Variants in FBRSL1 observed in about 807,000 individuals in gnomAD.
The protein encoded by FBRSL1 is fibrosin like 1, also known as fibrosin-1-like protein.
FBRSL1 carries 51 observed loss-of-function variants against 89.6 expected under a neutral mutation model. That is an observed-to-expected ratio of 0.57 (90% CI 0.45 to 0.72). The LOEUF (loss-of-function observed/expected upper bound fraction) is 0.72. FBRSL1 is among the 30% of genes least tolerant of loss of function. FBRSL1 has a pLI of 0.00. For synonymous variants in FBRSL1, 779 were observed against 681.1 expected, an observed-to-expected ratio of 1.14 and a Z score of -2.24; for missense variants, 1,618 against 1,451.8, an observed-to-expected ratio of 1.11 and a Z score of -1.86.
At chr12:132,542,021 C>T (rs2137216643) in intron 4 of FBRSL1, among the ~76,000 whole-genome samples, 1 of 152,380 alleles carries the variant, frequency 6.6e-6, no homozygotes, top group East Asian at 1.9e-4. Flanking sequence ...GCAGGTGGTC[C>T]TTTTCCCCAC....
intron 2 of FBRSL1, among the ~76,000 whole-genome samples, chr12:132,512,176 G>T (rs116842580): frequency 6.6e-6 from 1 of 152,184 alleles, no homozygotes; most frequent in Non-Finnish European, 1.5e-5. Context: ...TCCCCCCACC[G>T]CAAGGCTACT....
chr12:132,580,964 C>T, intron 15 of FBRSL1: 1 of 985,476 alleles, frequency 1.0e-6, no homozygotes. Context: ...GGCCTGTGCC[C>T]AGGAATGCCA....
chr12:132,524,595 T>G (rs2035631176), intron 2 of FBRSL1, among the ~76,000 whole-genome samples: 1 of 152,176 alleles, frequency 6.6e-6, no homozygotes, highest in Non-Finnish European at 1.5e-5. Flanking sequence ...GCTCCTGACT[T>G]GGATGACTCA....
intron 15 of FBRSL1, among the ~76,000 whole-genome samples, chr12:132,579,780 T>C (rs1003699720): frequency 6.6e-6 from 1 of 152,192 alleles, no homozygotes; most frequent in Admixed American, 6.5e-5. Flanking sequence ...TTTTTTCTGC[T>C]CTCTGGAAGA....
chr12:132,557,213 C>T lies in FBRSL1; in HGVS notation c.645+9181C>T, dbSNP rs146851611. On this transcript the variant is annotated intron_variant, in intron 5 of 18. Coordinates refer to ENST00000680143, the MANE Select transcript of FBRSL1 (RefSeq NM_001367871.1). ...GCAGTTACAGTGTTGGTTTCTGAAC[C>T]GTAAGCTCTGGATAAATGTGCCTCT... 3.7e-4 allele frequency among the ~76,000 whole-genome samples: 56 copies of T among 152,308 alleles called. 1 individual carries two copies. The highest frequency in any genetic ancestry group is 3.4e-3 in the Middle Eastern group (1 of 294).
At chr12:132,510,072 C>T (rs1273932180) in intron 2 of FBRSL1, 3 of 1,231,026 alleles carry the variant, frequency 2.4e-6, no homozygotes, top group African/African-American at 1.6e-5. Flanking sequence ...GGGCCCGGGA[C>T]GGCCGAGGCA....
At chr12:132,508,505 A>G (rs1460271758) in intron 2 of FBRSL1, among the ~76,000 whole-genome samples, 155 bp downstream of exon 2, 1 of 152,204 alleles carries the variant, frequency 6.6e-6, no homozygotes, top group East Asian at 1.9e-4. Flanking sequence ...ACACGTGGAC[A>G]GGGCTGGGGC....
intron 8 of FBRSL1, 132 bp downstream of exon 8, chr12:132,570,672 G>A (rs534145502): frequency 1.4e-5 from 11 of 802,396 alleles, no homozygotes; most frequent in African/African-American, 3.7e-5. Context: ...CTCTCTGAGT[G>A]GTTCCCCCAG....
chr12:132,578,138 T>C (rs1200063882), intron 15 of FBRSL1, among the ~76,000 whole-genome samples: 1 of 152,262 alleles, frequency 6.6e-6, no homozygotes, highest in African/African-American at 2.4e-5. Context: ...ACATGTATGA[T>C]GGACTGTATT....
chr12:132,510,771 G>A (rs1322466426), intron 2 of FBRSL1: 28 of 1,165,790 alleles, frequency 2.4e-5, no homozygotes, highest in Non-Finnish European at 2.8e-5. Flanking sequence ...GCTGCCTGTG[G>A]TGTGCGTGCC....
At position 132,583,873 on chromosome 12, in the gene FBRSL1, G is replaced by T. The variant is rs1256853494; in HGVS notation, c.*95G>T. 4 of 714,750 alleles carry T rather than the reference G, an allele frequency of 5.6e-6. No individual in the cohort carries two copies. The African/African-American group carries it at 7.6e-5, about 14-fold the overall frequency. The allele number at this position is 714,750 out of a possible 1,614,324, so 44.3% of individuals were successfully genotyped here. ...CAAGCACAGCTCCCGCCGATCCTGG[G>T]GCGGCGCCGCCTCTCCACCCGCAGC... On this transcript the variant is annotated 3_prime_UTR_variant, in exon 19 of 19. Coordinates refer to ENST00000680143, the MANE Select transcript of FBRSL1 (RefSeq NM_001367871.1).
chr12:132,502,773 CCTACCGTCCCTGCCCT>C (rs1446389856), intron 1 of FBRSL1, among the ~76,000 whole-genome samples: 8 of 131,116 alleles, frequency 6.1e-5, no homozygotes, highest in Non-Finnish European at 1.0e-4. Context: ...GTCCCCGCCC[CCTACCGTCCCTGCCCT>C]CTCCTGTCCC....
In FBRSL1 at chr12:132,584,394, A is replaced by G. The variant is rs921014807; in HGVS notation, c.*616A>G. The G allele has an allele frequency of 5.3e-5, 8 of 152,230 alleles. No individual in the cohort carries two copies. Among genetic ancestry groups the G allele is most frequent in the African/African-American group, 1.4e-4 (6 of 41,454 alleles). The allele number at this position is 152,230 out of a possible 1,614,324, so 9.4% of individuals were successfully genotyped here. A position where few individuals can be genotyped will look rare whatever the true frequency, so the allele number is the denominator to read the frequency against. On this transcript the variant is annotated 3_prime_UTR_variant, in exon 19 of 19. Coordinates refer to ENST00000680143, the MANE Select transcript of FBRSL1 (RefSeq NM_001367871.1). ...GTGTAAATAGTCTGTTGATATAAAT[A>G]TATGACGTTACTAAATTCTTAATCT... is the stretch of plus-strand genomic sequence containing the variant.
intron 1 of FBRSL1, among the ~76,000 whole-genome samples, chr12:132,492,134 T>C (rs1372639022): frequency 6.6e-6 from 1 of 152,220 alleles, no homozygotes; most frequent in Non-Finnish European, 1.5e-5. Context: ...GCTCGGCTCC[T>C]GCACTGCAGC....
intron 4 of FBRSL1, among the ~76,000 whole-genome samples, chr12:132,530,776 G>C (rs1421134601): frequency 6.6e-6 from 1 of 150,914 alleles, no homozygotes; most frequent in African/African-American, 2.4e-5. Context: ...GCTGCACTGG[G>C]GATGGGGTTC....
At chr12:132,519,307 G>C (rs1401737032) in intron 2 of FBRSL1, among the ~76,000 whole-genome samples, 1 of 152,240 alleles carries the variant, frequency 6.6e-6, no homozygotes, top group Non-Finnish European at 1.5e-5. Flanking sequence ...TACCTAGCCT[G>C]GTTGGCATGT....
intron 5 of FBRSL1, chr12:132,551,359 G>A (rs898410733): frequency 2.2e-6 from 1 of 450,314 alleles, no homozygotes; most frequent in Non-Finnish European, 4.5e-6. Context: ...AGATGGAGAA[G>A]CCACAGACAG....
chr12:132,569,826 A>C (rs1425444072), intron 6 of FBRSL1, 100 bp from the exon 7 acceptor site: 4 of 883,816 alleles, frequency 4.5e-6, no homozygotes, highest in Non-Finnish European at 4.6e-6. Context: ...CGGAGCCCAG[A>C]CATAGCCTGG....
At chr12:132,555,933 G>A (rs990283034) in intron 5 of FBRSL1, among the ~76,000 whole-genome samples, 8 of 152,116 alleles carry the variant, frequency 5.3e-5, no homozygotes, top group Non-Finnish European at 1.0e-4. Flanking sequence ...TTGTGGCCTC[G>A]GGGTTCCAGG....
Sources: gnomAD v4.1 joint callset for allele counts (sites outside exome capture counted in the v4.1 genomes callset) on GRCh38, gnomAD v4.1.1 for gene constraint, MANE v1.5 for transcripts, NCBI Gene and HGNC (gene_info 2026-07-23, HGNC 2026-07-21) for gene names.